NMNAT2: variants seen among roughly 807,000 people sequenced by gnomAD.
NMNAT2 encodes the protein nicotinamide/nicotinic acid mononucleotide adenylyltransferase 2.
NMNAT2 carries 11 observed loss-of-function variants against 41.6 expected under a neutral mutation model. The ratio of observed to expected loss-of-function variants is 0.26; its 90% CI spans 0.17 to 0.44. NMNAT2 has a LOEUF of 0.44. Ranked by LOEUF, NMNAT2 falls within the 20% of genes least tolerant of loss-of-function variation. The pLI, the probability that NMNAT2 is intolerant of heterozygous loss-of-function variation, is 1.00. For synonymous variants in NMNAT2, 148 were observed against 151.2 expected (o/e 0.98, Z 0.16); for missense variants, 288 against 407.7 (o/e 0.71, Z 2.53).
At chr1:183,305,011 A>G (rs966836858) in intron 1 of NMNAT2, 3 of 479,632 alleles carry the variant, frequency 6.3e-6, no homozygotes, top group Non-Finnish European at 9.6e-6. Flanking sequence ...CTCTGTTCAA[A>G]TCCTTTCCAC....
At chr1:183,390,788 A>G (rs917597049) in intron 1 of NMNAT2, among the ~76,000 whole-genome samples, 1 of 152,180 alleles carries the variant, frequency 6.6e-6, no homozygotes, top group African/African-American at 2.4e-5. Context: ...CAACCATGTG[A>G]TGCTGCATGC....
chr1:183,296,276 T>C (rs1379420433), intron 1 of NMNAT2, among the ~76,000 whole-genome samples: 1 of 152,218 alleles, frequency 6.6e-6, no homozygotes, highest in Non-Finnish European at 1.5e-5. Context: ...AAAGCTGATA[T>C]GACATTCATG....
chr1:183,418,140 A>G (rs199660988), intron 1 of NMNAT2, 43 bp downstream of exon 1: 3 of 1,556,008 alleles, frequency 1.9e-6, no homozygotes, highest in Admixed American at 1.7e-5. Context: ...CTGGGAAAGG[A>G]GAGGAGCGGA....
intron 1 of NMNAT2, among the ~76,000 whole-genome samples, chr1:183,328,966 T>TGCAGAGGTA (rs201583650): frequency 6.6e-6 from 1 of 152,152 alleles, no homozygotes; most frequent in African/African-American, 2.4e-5. Flanking sequence ...TTTTGTGCTG[T>TGCAGAGGTA]GCAGAGGTAG....
At chr1:183,266,401 A>G (rs1304826659) in intron 8 of NMNAT2, among the ~76,000 whole-genome samples, 3 of 152,086 alleles carry the variant, frequency 2.0e-5, no homozygotes, top group African/African-American at 7.2e-5. Context: ...TGGCCACCCT[A>G]ATTAAACCTG....
intron 1 of NMNAT2, among the ~76,000 whole-genome samples, chr1:183,361,249 G>A (rs1004343833): frequency 5.3e-5 from 8 of 152,220 alleles, no homozygotes; most frequent in Admixed American, 5.2e-4. Flanking sequence ...CTCACATCAG[G>A]GGACCCTTAT....
At chr1:183,261,615 AATGCTGCAGAATCAC>A (rs1660658903) in intron 8 of NMNAT2, among the ~76,000 whole-genome samples, 1 of 152,224 alleles carries the variant, frequency 6.6e-6, no homozygotes, top group Admixed American at 6.5e-5. Context: ...TTAAGTTCAC[AATGCTGCAGAATCAC>A]ATGAATGACA....
At chr1:183,394,750 C>T (rs556916929) in intron 1 of NMNAT2, among the ~76,000 whole-genome samples, 17 of 152,322 alleles carry the variant, frequency 1.1e-4, no homozygotes, top group Middle Eastern at 3.4e-3. Flanking sequence ...CCACCAGGGG[C>T]TCACATCTCA....
chr1:183,390,494 A>G (rs1350648425), intron 1 of NMNAT2, among the ~76,000 whole-genome samples: 1 of 152,168 alleles, frequency 6.6e-6, no homozygotes, highest in African/African-American at 2.4e-5. Context: ...ATTGTCTCAC[A>G]TATACTTGTT....
intron 4 of NMNAT2, among the ~76,000 whole-genome samples, chr1:183,287,880 C>A (rs1487808022): frequency 6.6e-6 from 1 of 152,204 alleles, no homozygotes; most frequent in African/African-American, 2.4e-5. Flanking sequence ...TGTATGAGTC[C>A]TTCTGAGCCC....
chr1:183,352,531 C>G (rs1432134297), intron 1 of NMNAT2, among the ~76,000 whole-genome samples: 1 of 132,810 alleles, frequency 7.5e-6, no homozygotes, highest in Non-Finnish European at 1.5e-5. Context: ...CCACTATACT[C>G]TAGCCTGGAT....
At chr1:183,398,923 G>C (rs181877703) in intron 1 of NMNAT2, among the ~76,000 whole-genome samples, 1 of 152,138 alleles carries the variant, frequency 6.6e-6, no homozygotes, top group East Asian at 1.9e-4. Context: ...TGTGTAGAGG[G>C]AAATTTATAG....
At chr1:183,325,338 C>T (rs1411794138) in intron 1 of NMNAT2, among the ~76,000 whole-genome samples, 1 of 152,180 alleles carries the variant, frequency 6.6e-6, no homozygotes, top group Admixed American at 6.5e-5. Context: ...AATTTTATTC[C>T]CTCTCCTTTA....
At chr1:183,258,828 G>T (rs1167594537) in intron 10 of NMNAT2, among the ~76,000 whole-genome samples, 1 of 151,916 alleles carries the variant, frequency 6.6e-6, no homozygotes, top group Non-Finnish European at 1.5e-5. Context: ...AGACAGCTTC[G>T]ACTCCCTGTG....
intron 8 of NMNAT2, among the ~76,000 whole-genome samples, chr1:183,275,212 C>A (rs1357654139): frequency 6.6e-6 from 1 of 152,156 alleles, no homozygotes; most frequent in East Asian, 1.9e-4. Flanking sequence ...ACTAAAATTA[C>A]CCTGTGGGAT....
chr1:183,327,058 G>T lies in NMNAT2; in HGVS notation c.86-33265C>A, dbSNP rs4532787. ...TGTATGTATGTATGTATGTATGTAT[G>T]TATTTATTTTTGAGACAGAGCTCAC... On this transcript the variant is annotated intron_variant, in intron 1 of 10. Transcript: ENST00000287713. Among the ~76,000 whole-genome samples, 404 of 150,936 alleles carry T rather than the reference G, an allele frequency of 2.7e-3. 2 individuals carry two copies. Among genetic ancestry groups the T allele is most frequent in the East Asian group, 2.6e-3 (13 of 5,092 alleles).
Position 183,372,950 on chromosome 1 carries a change from C to T in NMNAT2, c.85+45233G>A, listed in dbSNP as rs191129223. Among the ~76,000 whole-genome samples, 228 of 152,286 alleles carry T rather than the reference C, an allele frequency of 1.5e-3. 2 individuals carry two copies. The highest frequency in any genetic ancestry group is 5.1e-3 in the African/African-American group (213 of 41,562). On this transcript the variant is annotated intron_variant, in intron 1 of 10. Transcript: ENST00000287713. ...GGATTCTTCTTGTGAATTGGAGGGG[C>T]CAAGTGTCTTTCATCTTCTAGGCTC...
intron 1 of NMNAT2, among the ~76,000 whole-genome samples, chr1:183,325,026 A>T (rs1662433008): frequency 6.6e-6 from 1 of 152,138 alleles, no homozygotes; most frequent in Non-Finnish European, 1.5e-5. Context: ...CTCCCTTACA[A>T]AGCAGACCCC....
At chr1:183,383,539 T>C (rs1206096752) in intron 1 of NMNAT2, among the ~76,000 whole-genome samples, 1 of 152,246 alleles carries the variant, frequency 6.6e-6, no homozygotes, top group Non-Finnish European at 1.5e-5. Flanking sequence ...CAGTTTCAGA[T>C]AACCTCTTTG....
Sources: gnomAD v4.1 joint callset for allele counts (sites outside exome capture counted in the v4.1 genomes callset) on GRCh38, gnomAD v4.1.1 for gene constraint, MANE v1.5 for transcripts, NCBI Gene and HGNC (gene_info 2026-07-23, HGNC 2026-07-21) for gene names.